The following RBFOX1 variants were observed in gnomAD, a reference collection of about 807,000 sequenced individuals.
RBFOX1 encodes the protein RNA binding protein fox-1 homolog 1.
RBFOX1 carries 8 observed loss-of-function variants against 57.7 expected under a neutral mutation model. The observed-to-expected ratio is 0.14, with a 90% CI of 0.08 to 0.25. The LOEUF is 0.25. Ranked by LOEUF, RBFOX1 falls within the 10% of genes least tolerant of loss-of-function variation. RBFOX1 has a pLI of 1.00. For missense variants in RBFOX1, 611 were observed against 548.5 expected (o/e 1.11, Z -1.14); for synonymous variants, 326 against 222.4 (o/e 1.47, Z -4.15).
Position 5,956,932 on chromosome 16 carries a change from G to A in RBFOX1, c.351+89597G>A, listed in dbSNP as rs889874884. 2.6e-5 allele frequency among the ~76,000 whole-genome samples: 4 copies of A among 151,404 alleles called. No individual in the cohort carries two copies. The South Asian group carries it at 8.3e-4, about 32-fold the overall frequency. On this transcript the variant is annotated intron_variant, in intron 4 of 19. Transcript: ENST00000641259. Reference sequence around the variant, plus strand: ...AATCCATCTGCCTTGGCATCCCAAAGTGCTAGGGATTACATGCCTGAGCCA... The same window carrying A: ...AATCCATCTGCCTTGGCATCCCAAAATGCTAGGGATTACATGCCTGAGCCA...
rs111845749 is a variant in RBFOX1, at chr16:6,671,670, C to T, written c.-16+17020C>T. 3.5e-4 allele frequency among the ~76,000 whole-genome samples: 54 copies of T among 152,324 alleles called. No homozygotes were observed. The South Asian group carries it at 8.5e-3, about 24-fold the overall frequency. On this transcript the variant is annotated intron_variant, in intron 3 of 15. Transcript: ENST00000550418. ...CCGTTCTATCATTCTTACGCCTTTGCATCCTCATAGCTTAGCTCCCACTTA... is the reference window on the plus strand; with the variant it reads ...CCGTTCTATCATTCTTACGCCTTTGTATCCTCATAGCTTAGCTCCCACTTA...
intron 3 of RBFOX1, among the ~76,000 whole-genome samples, chr16:6,680,305 C>G (rs1283772550): frequency 1.2e-5 from 1 of 85,486 alleles, no homozygotes; most frequent in Non-Finnish European, 2.4e-5. Flanking sequence ...ATTTGTCGCC[C>G]AGGCTGGAGT....
At chr16:7,574,890 C>T (rs551113906) in intron 5 of RBFOX1, among the ~76,000 whole-genome samples, 4 of 152,262 alleles carry the variant, frequency 2.6e-5, no homozygotes, top group African/African-American at 7.2e-5. Context: ...TTGAGAACTT[C>T]GTGCTGCCTG....
chr16:6,086,122 C>T (rs528727604), intron 1 of RBFOX1, among the ~76,000 whole-genome samples: 3 of 152,284 alleles, frequency 2.0e-5, no homozygotes, highest in Admixed American at 6.5e-5. Context: ...TGGCTCCCAG[C>T]TTCATCCATG....
intron 3 of RBFOX1, among the ~76,000 whole-genome samples, chr16:6,956,876 C>T (rs750532617): frequency 6.6e-6 from 1 of 152,012 alleles, no homozygotes; most frequent in Non-Finnish European, 1.5e-5. Flanking sequence ...CTTCTTTCCT[C>T]ATTTGTCTGG....
intron 4 of RBFOX1, among the ~76,000 whole-genome samples, chr16:7,306,421 A>G (rs1487989903): frequency 6.6e-6 from 1 of 152,218 alleles, no homozygotes; most frequent in East Asian, 1.9e-4. Context: ...AATATTTAGA[A>G]GTGACTAAAT....
chr16:6,204,202 C>G (rs1437465977), intron 1 of RBFOX1, among the ~76,000 whole-genome samples: 4 of 152,200 alleles, frequency 2.6e-5, no homozygotes, highest in South Asian at 4.1e-4. Flanking sequence ...CATCTTTCAC[C>G]AAATTCTTCA....
chr16:7,638,157 T>A (rs1470444865), intron 11 of RBFOX1, among the ~76,000 whole-genome samples: 3 of 152,214 alleles, frequency 2.0e-5, no homozygotes, highest in Admixed American at 6.5e-5. Context: ...GTTAACCTAG[T>A]TGCAGCCCTG....
chr16:5,259,083 C>T (rs1157024819), intron 1 of RBFOX1, among the ~76,000 whole-genome samples: 1 of 152,074 alleles, frequency 6.6e-6, no homozygotes, highest in Non-Finnish European at 1.5e-5. Flanking sequence ...AGCCCATTGT[C>T]ATGAATGAAT....
chr16:5,263,996 G>A (rs1033251669), intron 1 of RBFOX1, among the ~76,000 whole-genome samples: 1 of 152,146 alleles, frequency 6.6e-6, no homozygotes, highest in African/African-American at 2.4e-5. Context: ...TCATCAATGG[G>A]GTATGGAGAT....
chr16:6,808,237 C>A (rs890448241), intron 3 of RBFOX1, among the ~76,000 whole-genome samples: 1 of 150,156 alleles, frequency 6.7e-6, no homozygotes, highest in South Asian at 2.1e-4. Context: ...CAGCATGTAG[C>A]CTTTATATTC....
intron 3 of RBFOX1, among the ~76,000 whole-genome samples, chr16:5,705,316 C>A (rs1381462992): frequency 6.6e-6 from 1 of 152,092 alleles, no homozygotes; most frequent in African/African-American, 2.4e-5. Context: ...GGCTAGGGTG[C>A]AGTGGCATGA....
chr16:6,360,845 A>G (rs1488288349), intron 2 of RBFOX1, among the ~76,000 whole-genome samples: 1 of 152,084 alleles, frequency 6.6e-6, no homozygotes, highest in East Asian at 1.9e-4. Flanking sequence ...CGCCCCCTAC[A>G]GTTGTTCAGT....
chr16:7,034,348 T>C (rs1344684512), intron 3 of RBFOX1, among the ~76,000 whole-genome samples: 2 of 152,106 alleles, frequency 1.3e-5, no homozygotes, highest in African/African-American at 2.4e-5. Context: ...TGCCTGGTAA[T>C]GACCAGGTTG....
At chr16:7,503,180 T>C (rs1018715418) in intron 4 of RBFOX1, among the ~76,000 whole-genome samples, 3 of 152,230 alleles carry the variant, frequency 2.0e-5, no homozygotes, top group Admixed American at 1.3e-4. Context: ...GATTATCCTT[T>C]CGTTAGTGTG....
At chr16:7,429,908 A>G (rs1417188223) in intron 4 of RBFOX1, among the ~76,000 whole-genome samples, 1 of 152,210 alleles carries the variant, frequency 6.6e-6, no homozygotes, top group Non-Finnish European at 1.5e-5. Context: ...AGTAAACAAA[A>G]TACACAAAAA....
intron 3 of RBFOX1, among the ~76,000 whole-genome samples, chr16:7,014,435 TG>T (rs1442457161): frequency 6.6e-6 from 1 of 151,330 alleles, no homozygotes; most frequent in African/African-American, 2.4e-5. Flanking sequence ...AAAGTAGGGG[TG>T]GGGTTTTACC....
At chr16:5,769,723 G>A (rs550472072) in intron 3 of RBFOX1, among the ~76,000 whole-genome samples, 1 of 152,130 alleles carries the variant, frequency 6.6e-6, no homozygotes, top group Non-Finnish European at 1.5e-5. Flanking sequence ...GGGAGAAGAG[G>A]AGTCATCTAC....
chr16:6,358,629 C>T (rs984279128), intron 2 of RBFOX1, among the ~76,000 whole-genome samples: 3 of 152,176 alleles, frequency 2.0e-5, no homozygotes, highest in Non-Finnish European at 4.4e-5. Context: ...ATCCTCCCAA[C>T]AGCAGGAGGT....
Sources: gnomAD v4.1 joint callset for allele counts (sites outside exome capture counted in the v4.1 genomes callset) on GRCh38, gnomAD v4.1.1 for gene constraint, MANE v1.5 for transcripts, NCBI Gene and HGNC (gene_info 2026-07-23, HGNC 2026-07-21) for gene names.